The following DNAAF9 variants were observed in gnomAD, a reference collection of about 807,000 sequenced individuals.
The protein encoded by DNAAF9 is shulin.
DNAAF9 carries 90 observed loss-of-function variants against 167.0 expected under a neutral mutation model. The observed-to-expected ratio is 0.54, with a 90% CI of 0.45 to 0.64. The LOEUF (loss-of-function observed/expected upper bound fraction) is 0.64. Among genes scored for constraint, DNAAF9 ranks in the 30% least tolerant of loss-of-function variants. The pLI is 0.00. For synonymous variants in DNAAF9, 491 were observed against 508.8 expected, an observed-to-expected ratio of 0.96 and a Z score of 0.47; for missense variants, 1,315 against 1,442.2, an observed-to-expected ratio of 0.91 and a Z score of 1.43.
At chr20:3,287,814 T>C (rs1345356723) in intron 26 of DNAAF9, 24 bp from the exon 27 acceptor site, 1 of 1,611,696 alleles carries the variant, frequency 6.2e-7, no homozygotes, top group Middle Eastern at 1.7e-4. Context: ...AGGTAACCTC[T>C]GCATGGGGGC....
chr20:3,253,703 G>C (rs1178295383), intron 36 of DNAAF9, 23 bp downstream of exon 36: 5 of 1,434,110 alleles, frequency 3.5e-6, no homozygotes, highest in Non-Finnish European at 3.9e-6. Context: ...TTCCACACAG[G>C]GACCACGCTG....
intron 9 of DNAAF9, among the ~76,000 whole-genome samples, chr20:3,342,031 C>T (rs560475927): frequency 9.9e-5 from 15 of 152,268 alleles, no homozygotes; most frequent in African/African-American, 2.6e-4. Context: ...CCCACCTCGG[C>T]CTCCCAGGTG....
At chr20:3,347,696 G>A (rs1295473581) in intron 8 of DNAAF9, among the ~76,000 whole-genome samples, 1 of 152,188 alleles carries the variant, frequency 6.6e-6, no homozygotes, top group Non-Finnish European at 1.5e-5. Flanking sequence ...GGGGGGCTGA[G>A]GCGGGCGATT....
intron 30 of DNAAF9, among the ~76,000 whole-genome samples, chr20:3,269,619 A>G (rs2068555496): frequency 6.6e-6 from 1 of 152,092 alleles, no homozygotes; most frequent in Non-Finnish European, 1.5e-5. Flanking sequence ...ATGCCTCAAA[A>G]TGGTACACGA....
intron 3 of DNAAF9, among the ~76,000 whole-genome samples, chr20:3,379,490 A>G (rs1375816592): frequency 6.6e-6 from 1 of 152,044 alleles, no homozygotes. Flanking sequence ...GCTGCTCGGG[A>G]GGCTGAGGCA....
intron 26 of DNAAF9, 40 bp downstream of exon 26, chr20:3,290,089 G>A: frequency 7.5e-7 from 1 of 1,337,128 alleles, no homozygotes; most frequent in Non-Finnish European, 1.1e-6. Context: ...GCCCAAGTTA[G>A]AATCCCTTTC....
intron 20 of DNAAF9, among the ~76,000 whole-genome samples, chr20:3,314,387 C>G (rs2069466610): frequency 6.6e-6 from 1 of 152,030 alleles, no homozygotes; most frequent in Non-Finnish European, 1.5e-5. Context: ...GTGAGAGATT[C>G]AATACAAGAA....
At chr20:3,297,005 A>C (rs896219253) in intron 22 of DNAAF9, 56 bp from the exon 23 acceptor site, 1 of 948,810 alleles carries the variant, frequency 1.1e-6, no homozygotes, top group Non-Finnish European at 1.7e-6. Flanking sequence ...CAGGATATGG[A>C]AGCCACATGG....
At position 3,367,035 on chromosome 20, in the gene DNAAF9, G is replaced by A. The variant is rs567598178; in HGVS notation, c.612+7013C>T. On this transcript the variant is annotated intron_variant, in intron 6 of 36. Transcript: ENST00000252032. ...CAGCACTGAAAATCTGTTGTTTAGCGTAGCTACCTTCATCAACTATCTGAG... is the reference window on the plus strand; with the variant it reads ...CAGCACTGAAAATCTGTTGTTTAGCATAGCTACCTTCATCAACTATCTGAG... 1.1e-3 allele frequency among the ~76,000 whole-genome samples: 174 copies of A among 152,294 alleles called. 1 individual carries two copies. The highest frequency in any genetic ancestry group is 2.9e-3 in the African/African-American group (119 of 41,574).
rs6139102 is a variant in DNAAF9, at chr20:3,378,945, A to G, written c.283+2434T>C. Among the ~76,000 whole-genome samples, 936 of 151,750 alleles carry G rather than the reference A, an allele frequency of 6.2e-3. 68 individuals are homozygous for G. The East Asian group carries it at 0.15, about 24-fold the overall frequency. ...ATCACTATTGACTCTTTAGGTAAGC[A>G]CAAGAGTCAAAGGGTAGCAAAAGGT... is the stretch of plus-strand genomic sequence containing the variant. On this transcript the variant is annotated intron_variant, in intron 3 of 36. Coordinates refer to ENST00000252032, the MANE Select transcript of DNAAF9 (RefSeq NM_001009984.3).
chr20:3,398,635 T>C (rs960024726), intron 1 of DNAAF9, among the ~76,000 whole-genome samples: 7 of 152,198 alleles, frequency 4.6e-5, no homozygotes, highest in African/African-American at 1.4e-4. Context: ...TCTTGAAACT[T>C]TTCTGTACTT....
intron 8 of DNAAF9, among the ~76,000 whole-genome samples, chr20:3,344,136 A>C (rs187405272): frequency 6.6e-6 from 1 of 152,164 alleles, no homozygotes; most frequent in Non-Finnish European, 1.5e-5. Context: ...AGATTTTTTT[A>C]AAAAAATGTC....
chr20:3,343,323 T>C (rs1018564606), intron 9 of DNAAF9, among the ~76,000 whole-genome samples: 2 of 152,098 alleles, frequency 1.3e-5, no homozygotes, highest in Admixed American at 1.3e-4. Flanking sequence ...CCACCACACC[T>C]GGCTAATTTT....
intron 20 of DNAAF9, among the ~76,000 whole-genome samples, chr20:3,312,015 G>T (rs2069423319): frequency 9.8e-6 from 1 of 102,026 alleles, no homozygotes; most frequent in African/African-American, 3.1e-5. Context: ...TTGAGACAGA[G>T]ATCATTCTTG....
intron 7 of DNAAF9, among the ~76,000 whole-genome samples, chr20:3,352,279 G>A (rs1301609415): frequency 2.6e-5 from 4 of 152,060 alleles, no homozygotes; most frequent in African/African-American, 4.8e-5. Flanking sequence ...TCTGTGCCTC[G>A]GCCCGATAAA....
chr20:3,294,923 T>C (rs1482255958), intron 23 of DNAAF9, among the ~76,000 whole-genome samples: 1 of 152,078 alleles, frequency 6.6e-6, no homozygotes, highest in Non-Finnish European at 1.5e-5. Flanking sequence ...TGGAGTGCAG[T>C]GGTGCGATCT....
At chr20:3,292,487 C>A (rs1379544958) in intron 25 of DNAAF9, among the ~76,000 whole-genome samples, 1 of 151,832 alleles carries the variant, frequency 6.6e-6, no homozygotes, top group Non-Finnish European at 1.5e-5. Context: ...TGGTTCTGGG[C>A]TGGGCGCGGT....
intron 8 of DNAAF9, 23 bp from the exon 9 acceptor site, chr20:3,343,754 T>A: frequency 6.3e-7 from 1 of 1,584,648 alleles, no homozygotes; most frequent in Non-Finnish European, 8.7e-7. Context: ...CAACATTGTA[T>A]ATATTAAGAA....
intron 20 of DNAAF9, among the ~76,000 whole-genome samples, chr20:3,312,892 C>G (rs76732425): frequency 8.6e-4 from 131 of 152,246 alleles, no homozygotes; most frequent in African/African-American, 3.0e-3. Context: ...AAACTAGATT[C>G]CCCTCAGCAA....
Sources: gnomAD v4.1 joint callset for allele counts (sites outside exome capture counted in the v4.1 genomes callset) on GRCh38, gnomAD v4.1.1 for gene constraint, MANE v1.5 for transcripts, NCBI Gene and HGNC (gene_info 2026-07-23, HGNC 2026-07-21) for gene names.